MARCHF4: variants seen among roughly 807,000 people sequenced by gnomAD.
The protein encoded by MARCHF4 is membrane associated ring-CH-type finger 4.
Under a neutral mutation model 43.9 loss-of-function variants are expected in MARCHF4, and 14 were observed. The observed-to-expected ratio is 0.32, with a 90% CI of 0.21 to 0.50. The LOEUF (loss-of-function observed/expected upper bound fraction) is 0.50. MARCHF4 is among the 20% of genes least tolerant of loss of function. MARCHF4 has a pLI of 0.98. For missense variants in MARCHF4, 468 were observed against 536.7 expected (o/e 0.87, Z 1.27); for synonymous variants, 226 against 213.3 (o/e 1.06, Z -0.52).
At chr2:216,345,560 TA>T (rs1349830640) in intron 1 of MARCHF4, among the ~76,000 whole-genome samples, 3 of 152,134 alleles carry the variant, frequency 2.0e-5, no homozygotes, top group African/African-American at 7.2e-5. Flanking sequence ...TAGGGAAAGT[TA>T]AAAATACCAA....
At chr2:216,317,892 A>G (rs1434418486) in intron 1 of MARCHF4, among the ~76,000 whole-genome samples, 3 of 152,370 alleles carry the variant, frequency 2.0e-5, no homozygotes, top group South Asian at 4.1e-4. Flanking sequence ...ATGGAGGACA[A>G]TAGAAAGATC....
At chr2:216,362,609 G>T (rs1389645972) in intron 1 of MARCHF4, among the ~76,000 whole-genome samples, 2 of 152,204 alleles carry the variant, frequency 1.3e-5, no homozygotes, top group South Asian at 2.1e-4. Context: ...TGGGGCCCTT[G>T]TGTCCCCCTT....
chr2:216,284,654 TG>T (rs1374817890), intron 1 of MARCHF4, among the ~76,000 whole-genome samples: 3 of 152,070 alleles, frequency 2.0e-5, no homozygotes, highest in Non-Finnish European at 4.4e-5. Flanking sequence ...TTTTGTGAGA[TG>T]GGGTCTCTTC....
intron 1 of MARCHF4, among the ~76,000 whole-genome samples, chr2:216,346,143 A>G (rs1172177092): frequency 6.6e-6 from 1 of 152,162 alleles, no homozygotes; most frequent in East Asian, 1.9e-4. Flanking sequence ...GACTGTCCCA[A>G]TTTTAGCATT....
intron 1 of MARCHF4, among the ~76,000 whole-genome samples, chr2:216,309,361 T>A (rs1415190126): frequency 6.6e-6 from 1 of 152,226 alleles, no homozygotes; most frequent in Non-Finnish European, 1.5e-5. Flanking sequence ...GCAGCTGGTA[T>A]AACTCTTTTT....
intron 1 of MARCHF4, among the ~76,000 whole-genome samples, chr2:216,348,494 C>T (rs1692355098): frequency 6.6e-6 from 1 of 152,164 alleles, no homozygotes; most frequent in African/African-American, 2.4e-5. Context: ...GTCCTCACTG[C>T]TACCCTCCTA....
At chr2:216,284,486 A>AT (rs1691187725) in intron 1 of MARCHF4, among the ~76,000 whole-genome samples, 1 of 152,124 alleles carries the variant, frequency 6.6e-6, no homozygotes, top group Non-Finnish European at 1.5e-5. Flanking sequence ...TTGTTTTTGG[A>AT]ACAGGATCTC....
intron 3 of MARCHF4, among the ~76,000 whole-genome samples, chr2:216,275,995 C>A (rs193241803): frequency 1.3e-5 from 2 of 152,318 alleles, no homozygotes; most frequent in African/African-American, 4.8e-5. Context: ...GAAGTTAAGC[C>A]CAGCCAACCT....
chr2:216,263,598 G>T (rs538716064), intron 3 of MARCHF4, among the ~76,000 whole-genome samples: 1 of 152,036 alleles, frequency 6.6e-6, no homozygotes, highest in South Asian at 2.1e-4. Context: ...GAGAAGGAAA[G>T]ACTTCAAAGG....
At chr2:216,310,666 A>C (rs1324773352) in intron 1 of MARCHF4, among the ~76,000 whole-genome samples, 1 of 152,066 alleles carries the variant, frequency 6.6e-6, no homozygotes, top group East Asian at 1.9e-4. Context: ...CTGCATGATA[A>C]CCTTCAAAGT....
chr2:216,359,768 C>T (rs56356139), intron 1 of MARCHF4, among the ~76,000 whole-genome samples: 5,287 of 152,288 alleles, frequency 0.035, 280 homozygotes, highest in African/African-American at 0.12. Flanking sequence ...GCTCTAAAAA[C>T]GAAGTAGTAC....
chr2:216,350,164 A>G (rs1692378337), intron 1 of MARCHF4, among the ~76,000 whole-genome samples: 1 of 150,702 alleles, frequency 6.6e-6, no homozygotes, highest in African/African-American at 2.4e-5. Context: ...ATGCTATGCC[A>G]TGGCATTACA....
Position 216,277,758 on chromosome 2 carries a change from A to G in MARCHF4, c.779T>C (p.Phe260Ser). The G allele has an allele frequency of 6.2e-7, 1 of 1,614,206 alleles. No homozygotes were observed. The highest frequency in any genetic ancestry group is 1.1e-5 in the South Asian group (1 of 91,070). ...ASISWLIWST[F>S]SPSARWQRQD... ...GCGCTGCCATCTTGCCGAGGGGCTG[A>G]AAGTTGACCAGATGAGCCAAGAAAT... The change falls in exon 3 of 4, where the codon TTC becomes TCC. Residue 260 changes from phenylalanine to serine, a missense_variant. Physicochemically the swap from Phe to Ser is radical, Grantham distance 155 (BLOSUM62 -2). Transcript: ENST00000273067.
chr2:216,297,328 T>A (rs1183283276), intron 1 of MARCHF4, among the ~76,000 whole-genome samples: 6 of 152,184 alleles, frequency 3.9e-5, no homozygotes, highest in African/African-American at 1.2e-4. Context: ...AGCTCTGGGG[T>A]CTTCCTTGCT....
chr2:216,269,021 C>G (rs554228482), intron 3 of MARCHF4, among the ~76,000 whole-genome samples: 3 of 152,168 alleles, frequency 2.0e-5, no homozygotes, highest in Admixed American at 1.3e-4. Context: ...GGACCACACA[C>G]AGAGGAAGCT....
intron 1 of MARCHF4, among the ~76,000 whole-genome samples, chr2:216,362,447 G>A (rs1317355559): frequency 6.6e-6 from 1 of 152,208 alleles, no homozygotes; most frequent in Non-Finnish European, 1.5e-5. Context: ...GGCTTCAAGA[G>A]GGTTCTTTCA....
chr2:216,283,804 G>T, intron 1 of MARCHF4, 75 bp from the exon 2 acceptor site: 1 of 1,438,674 alleles, frequency 7.0e-7, no homozygotes. Context: ...CGGGAGGGTG[G>T]CAGCTGCAGC....
Position 216,267,290 on chromosome 2 carries a change from C to T in MARCHF4, c.866-7611G>A, listed in dbSNP as rs182842752. Among the ~76,000 whole-genome samples, 215 of 152,290 alleles carry T rather than the reference C, an allele frequency of 1.4e-3. 1 individual carries two copies. Among genetic ancestry groups the T allele is most frequent in the African/African-American group, 4.8e-3 (198 of 41,560 alleles). ...GCATTTAAGAAATGGGTCTAGGGAA[C>T]ACTCATTCCATTTGATTTTATAGAA... is the stretch of plus-strand genomic sequence containing the variant. On this transcript the variant is annotated intron_variant, in intron 3 of 3. Transcript: ENST00000273067.
chr2:216,348,123 C>T lies in MARCHF4; in HGVS notation c.516+21622G>A, dbSNP rs749237793. Among the ~76,000 whole-genome samples the T allele has an allele frequency of 5.3e-5, 8 of 150,822 alleles. No homozygotes were observed. In the East Asian group the frequency reaches 7.9e-4, roughly 15 times the overall value. Reference sequence around the variant, plus strand: ...CGTGATCTCAGCTCACTGAAACCTCCGCCTCCCCGGTTCAAGTGATTCTCC... The same window carrying T: ...CGTGATCTCAGCTCACTGAAACCTCTGCCTCCCCGGTTCAAGTGATTCTCC... On this transcript the variant is annotated intron_variant, in intron 1 of 3. Coordinates refer to ENST00000273067, the MANE Select transcript of MARCHF4 (RefSeq NM_020814.3).
Sources: gnomAD v4.1 joint callset for allele counts (sites outside exome capture counted in the v4.1 genomes callset) on GRCh38, gnomAD v4.1.1 for gene constraint, MANE v1.5 for transcripts, NCBI Gene and HGNC (gene_info 2026-07-23, HGNC 2026-07-21) for gene names.